ZMYM4: variants seen among roughly 807,000 people sequenced by gnomAD.
The protein encoded by ZMYM4 is zinc finger MYM-type protein 4.
A neutral mutation model predicts 183.2 loss-of-function variants in ZMYM4; 31 were observed. That is an observed-to-expected ratio of 0.17 (90% CI 0.13 to 0.23). The LOEUF (loss-of-function observed/expected upper bound fraction) is 0.23. Ranked by LOEUF, ZMYM4 falls within the 10% of genes least tolerant of loss-of-function variation. The pLI, the probability that ZMYM4 is intolerant of heterozygous loss-of-function variation, is 1.00. For synonymous variants in ZMYM4, 592 were observed against 631.2 expected (o/e 0.94, Z 0.93); for missense variants, 1,273 against 1,840.3 (o/e 0.69, Z 5.64).
chr1:35,382,478 C>A (rs1333092631), intron 9 of ZMYM4, among the ~76,000 whole-genome samples: 2 of 147,236 alleles, frequency 1.4e-5, no homozygotes, highest in Non-Finnish European at 3.0e-5. Flanking sequence ...TGAGATGGAG[C>A]CTTGCACTGT....
chr1:35,275,402 C>T (rs1297300083), intron 1 of ZMYM4, among the ~76,000 whole-genome samples: 1 of 151,950 alleles, frequency 6.6e-6, no homozygotes, highest in Non-Finnish European at 1.5e-5. Context: ...CCACAATGCC[C>T]AGCTAATTTT....
intron 2 of ZMYM4, among the ~76,000 whole-genome samples, chr1:35,352,493 T>C (rs1187381310): frequency 6.6e-6 from 1 of 152,182 alleles, no homozygotes; most frequent in Non-Finnish European, 1.5e-5. Context: ...CTTCAGTTCC[T>C]CTGAAGAATT....
chr1:35,419,970 T>C lies in ZMYM4; in HGVS notation c.*293T>C, dbSNP rs933091105. 2.6e-6 allele frequency: 1 copy of C among 379,052 alleles called. No individual in the cohort carries two copies. Among genetic ancestry groups the C allele is most frequent in the South Asian group, 2.5e-5 (1 of 40,484 alleles). 23.5% of individuals were successfully genotyped at this position (379,052 alleles called of 1,614,324 possible). A position where few individuals can be genotyped will look rare whatever the true frequency, so the allele number is the denominator to read the frequency against. On this transcript the variant is annotated 3_prime_UTR_variant, in exon 30 of 30. Coordinates refer to ENST00000314607, the MANE Select transcript of ZMYM4 (RefSeq NM_005095.3). ...TGTTTGGGAGTAACAAATCGTGGAA[T>C]ATTTTTAAGGAAAACTGTTGTATAA...
chr1:35,297,956 T>C (rs1204656910), intron 1 of ZMYM4, among the ~76,000 whole-genome samples: 1 of 152,172 alleles, frequency 6.6e-6, no homozygotes, highest in Non-Finnish European at 1.5e-5. Context: ...TTATTTACCA[T>C]TAATGGGGAA....
At chr1:35,279,875 A>G (rs908058413) in intron 1 of ZMYM4, among the ~76,000 whole-genome samples, 9 of 152,212 alleles carry the variant, frequency 5.9e-5, no homozygotes, top group Non-Finnish European at 1.2e-4. Flanking sequence ...ATATGAACCA[A>G]AATGTTCACA....
chr1:35,301,026 G>A (rs116541836), intron 1 of ZMYM4, among the ~76,000 whole-genome samples: 1,966 of 152,134 alleles, frequency 0.013, 45 homozygotes, highest in African/African-American at 0.045. Context: ...CTCAAGCTTT[G>A]TTCTGGGATA....
In ZMYM4 at chr1:35,419,646, C is replaced by G. The variant is rs1220725944; in HGVS notation, c.4616C>G (p.Ser1539Cys). 1 of 1,614,062 alleles carries G rather than the reference C, an allele frequency of 6.2e-7. No individual in the cohort carries two copies. Among genetic ancestry groups the G allele is most frequent in the Non-Finnish European group, 8.5e-7 (1 of 1,180,038 alleles). ...EVHEELAKAK[S>C]EDSDVELSD Reference sequence around the variant, plus strand: ...CATGAAGAACTTGCCAAAGCCAAATCTGAAGACTCTGATGTTGAATTATCA... The same window carrying G: ...CATGAAGAACTTGCCAAAGCCAAATGTGAAGACTCTGATGTTGAATTATCA... Residue 1539 changes from serine (S) to cysteine (C), a missense_variant, in exon 30 of 30, where the codon TCT becomes TGT. By Grantham distance (112) the Ser-to-Cys change is moderately radical. Around this residue, in one of 6 missense-constraint regions of ZMYM4, gnomAD observed 145 missense variants for 331.6 expected, o/e 0.44. Transcript: ENST00000314607.
intron 9 of ZMYM4, among the ~76,000 whole-genome samples, chr1:35,383,749 C>G (rs919121665): frequency 1.1e-4 from 17 of 151,986 alleles, no homozygotes; most frequent in African/African-American, 3.9e-4. Context: ...TAGTCAAAAC[C>G]TATTAAATTT....
At chr1:35,401,622 C>G (rs1254165938) in intron 23 of ZMYM4, among the ~76,000 whole-genome samples, 4 of 152,032 alleles carry the variant, frequency 2.6e-5, no homozygotes, top group Non-Finnish European at 4.4e-5. Context: ...TTGAGGAAGT[C>G]CCTTTTATCA....
At chr1:35,336,433 C>T (rs1250025172) in intron 2 of ZMYM4, among the ~76,000 whole-genome samples, 1 of 151,408 alleles carries the variant, frequency 6.6e-6, no homozygotes, top group Non-Finnish European at 1.5e-5. Context: ...GTTGCCCAGG[C>T]TCCAGTGCAG....
intron 28 of ZMYM4, among the ~76,000 whole-genome samples, chr1:35,417,930 G>T (rs1488632465): frequency 6.6e-6 from 1 of 151,910 alleles, no homozygotes; most frequent in Non-Finnish European, 1.5e-5. Context: ...GAGAATCCTT[G>T]AACCTGGGTG....
intron 7 of ZMYM4, among the ~76,000 whole-genome samples, chr1:35,371,208 C>T (rs780686433): frequency 1.3e-4 from 20 of 151,030 alleles, no homozygotes; most frequent in South Asian, 2.1e-4. Context: ...CTCCGCCTCC[C>T]GGGTTCATGC....
chr1:35,406,781 C>T (rs1645009913), intron 25 of ZMYM4, among the ~76,000 whole-genome samples: 2 of 152,138 alleles, frequency 1.3e-5, no homozygotes, highest in African/African-American at 4.8e-5. Flanking sequence ...CTCACAGGAG[C>T]CCATGTGTAT....
chr1:35,408,440 A>G (rs150763938), intron 26 of ZMYM4, among the ~76,000 whole-genome samples: 1 of 152,314 alleles, frequency 6.6e-6, no homozygotes, highest in African/African-American at 2.4e-5. Context: ...CATATATTTT[A>G]AAAAGTAACC....
At chr1:35,309,036 G>A in intron 1 of ZMYM4, 1 of 985,408 alleles carries the variant, frequency 1.0e-6, no homozygotes, top group Non-Finnish European at 1.2e-6. Flanking sequence ...AGAATGGTAT[G>A]TGAATTTGGG....
chr1:35,283,527 A>G (rs1318784081), intron 1 of ZMYM4, among the ~76,000 whole-genome samples: 1 of 150,202 alleles, frequency 6.7e-6, no homozygotes, highest in Non-Finnish European at 1.5e-5. Context: ...TTTAGTAGAG[A>G]CAGGTTTCAC....
chr1:35,364,260 A>T (rs1644014625), intron 5 of ZMYM4, among the ~76,000 whole-genome samples: 1 of 152,180 alleles, frequency 6.6e-6, no homozygotes, highest in South Asian at 2.1e-4. Flanking sequence ...TGGGCATAAG[A>T]TCCAAAAGCA....
At chr1:35,275,390 C>T (rs1038212417) in intron 1 of ZMYM4, among the ~76,000 whole-genome samples, 2 of 151,960 alleles carry the variant, frequency 1.3e-5, no homozygotes, top group African/African-American at 4.8e-5. Flanking sequence ...TACAGGCGTG[C>T]ACCACAATGC....
chr1:35,337,605 A>T (rs894985303), intron 2 of ZMYM4, among the ~76,000 whole-genome samples: 7 of 152,160 alleles, frequency 4.6e-5, no homozygotes, highest in African/African-American at 1.7e-4. Flanking sequence ...TGTAGGTCAT[A>T]CTGTCTCTGT....
Sources: allele counts gnomAD v4.1 joint callset (sites outside exome capture counted in the v4.1 genomes callset), GRCh38; gene constraint gnomAD v4.1.1; regional missense constraint gnomAD v4.1.1; transcripts MANE v1.5; gene names NCBI Gene and HGNC (gene_info 2026-07-23, HGNC 2026-07-21).